The following EFCAB10 variants were observed in gnomAD, a reference collection of about 807,000 sequenced individuals.
The protein encoded by EFCAB10 is EF-hand calcium binding domain 10.
In EFCAB10, 7 loss-of-function variants were observed where a neutral mutation model predicts 7.7. The ratio of observed to expected loss-of-function variants is 0.91; its 90% CI spans 0.52 to 1.72. The LOEUF (loss-of-function observed/expected upper bound fraction) is 1.72, where lower values mean the gene tolerates loss of function less well. Ranked by LOEUF, EFCAB10 falls within the 40% of genes most tolerant of loss-of-function variation. The pLI is 0.00. For synonymous variants in EFCAB10, 52 were observed against 21.0 expected (o/e 2.47, Z -4.03); for missense variants, 112 against 61.5 (o/e 1.82, Z -2.74).
intron 1 of EFCAB10, among the ~76,000 whole-genome samples, chr7:105,576,986 G>A (rs1792096747): frequency 6.6e-6 from 1 of 152,038 alleles, no homozygotes; most frequent in Non-Finnish European, 1.5e-5. Flanking sequence ...CCCCAGAGGC[G>A]GAGGTTGCAG....
At chr7:105,570,255 A>G (rs1156903996) in intron 1 of EFCAB10, among the ~76,000 whole-genome samples, 2 of 107,436 alleles carry the variant, frequency 1.9e-5, no homozygotes, top group Admixed American at 2.2e-4. Context: ...ATATATATAT[A>G]TATATATATA....
chr7:105,572,701 G>A (rs1207842505), intron 1 of EFCAB10: 1 of 152,150 alleles, frequency 6.6e-6, no homozygotes, highest in Non-Finnish European at 1.5e-5. Flanking sequence ...TTCATCTTTT[G>A]TTAGCGTTTT....
intron 1 of EFCAB10, chr7:105,572,650 G>A (rs1329936387): frequency 6.6e-6 from 1 of 152,176 alleles, no homozygotes; most frequent in African/African-American, 2.4e-5. Context: ...TAGTGTACAA[G>A]GGTTCCCTTT....
rs1421342171 is a variant in EFCAB10 at position 105,581,238 on chromosome 7, ACAG to A, written c.106+117_106+119del. 5 of 630,008 alleles carry A rather than the reference ACAG, an allele frequency of 7.9e-6. No individual in the cohort carries two copies. In the East Asian group the frequency reaches 1.4e-4, roughly 17 times the overall value. The allele number at this position is 630,008 out of a possible 1,614,324, so 39.0% of individuals were successfully genotyped here. ...TTATTGAAGGCCGCAGAGTTAATCA[ACAG>A]CAGAAGGGCTCACGTGGCTGGGAGG... On this transcript the variant is annotated intron_variant, in intron 1 of 4. Transcript: ENST00000480514.
rs139459919 is a variant in EFCAB10 at position 105,565,375 on chromosome 7, T to C, written c.*72A>G. On this transcript the variant is annotated 3_prime_UTR_variant, in exon 5 of 5. Transcript: ENST00000480514. ...ACGTTACGAGACCATTTACTTCAGT[T>C]GGAGCAGCAGCTTTGTTTCTCCTTA... 139 of 1,614,102 alleles carry C rather than the reference T, an allele frequency of 8.6e-5. No individual in the cohort carries two copies. Among genetic ancestry groups the C allele is most frequent in the Non-Finnish European group, 1.6e-5 (19 of 1,180,048 alleles).
chr7:105,575,106 A>G (rs1792043211), intron 1 of EFCAB10, among the ~76,000 whole-genome samples: 1 of 143,684 alleles, frequency 7.0e-6, no homozygotes, highest in East Asian at 2.0e-4. Context: ...CAACAGCGAA[A>G]CTCTGTCTCA....
In EFCAB10 at chr7:105,567,484, C is replaced by G. The variant is rs1344746705; in HGVS notation, c.366G>C (p.Lys122Asn). The G allele has an allele frequency of 4.2e-5, 30 of 706,036 alleles. No individual in the cohort carries two copies. The highest frequency in any genetic ancestry group is 6.9e-5 in the Non-Finnish European group (27 of 392,398). The allele number at this position is 706,036 out of a possible 1,614,324, so 43.7% of individuals were successfully genotyped here. Residue 122 changes from lysine (K) to asparagine (N), a missense_variant, in exon 4 of 5, where the codon AAG becomes AAC. Physicochemically the swap from Lys to Asn is moderately conservative, Grantham distance 94. Transcript: ENST00000480514. ...ATGCTGACCATATTTCCTTCATCCTCTTGTTCCTAAGGAAACAAAAACAGA... is the reference window on the plus strand; with the variant it reads ...ATGCTGACCATATTTCCTTCATCCTGTTGTTCCTAAGGAAACAAAAACAGA... ...TLDKFKEEVN[K>N]RMKEI
chr7:105,565,774 C>T (rs1015022732), intron 4 of EFCAB10: 15 of 642,836 alleles, frequency 2.3e-5, no homozygotes, highest in African/African-American at 2.0e-4. Context: ...AAAACATTGT[C>T]TATCTACTGT....
intron 1 of EFCAB10, chr7:105,573,224 T>C (rs1769044646): frequency 6.6e-6 from 1 of 152,194 alleles, no homozygotes; most frequent in South Asian, 2.1e-4. Context: ...ATATTGTGCC[T>C]TACTTGTACA....
rs191621831 is a variant in EFCAB10 at position 105,572,664 on chromosome 7, C to G, written c.107-3093G>C. The G allele has an allele frequency of 2.6e-5, 4 of 152,304 alleles. No homozygotes were observed. In the East Asian group the frequency reaches 7.7e-4, roughly 29 times the overall value. 9.4% of individuals were successfully genotyped at this position (152,304 alleles called of 1,614,324 possible). On this transcript the variant is annotated intron_variant, in intron 1 of 4. Coordinates refer to ENST00000480514, the MANE Select transcript of EFCAB10 (RefSeq NM_001355526.2). ...GTAGTGTACAAGGGTTCCCTTTTCTCCACATCCTTGCCAACACTTGAAATC... is the reference window on the plus strand; with the variant it reads ...GTAGTGTACAAGGGTTCCCTTTTCTGCACATCCTTGCCAACACTTGAAATC...
At chr7:105,567,571 G>GAT in intron 3 of EFCAB10, 81 bp from the exon 4 acceptor site, 1 of 609,990 alleles carries the variant, frequency 1.6e-6, no homozygotes, top group South Asian at 1.8e-5. Flanking sequence ...GTCTGTTGAA[G>GAT]ACGAGCAGAG....
chr7:105,575,343 T>C (rs1792051587), intron 1 of EFCAB10, among the ~76,000 whole-genome samples: 2 of 152,102 alleles, frequency 1.3e-5, no homozygotes, highest in African/African-American at 4.8e-5. Flanking sequence ...AAGTCTCACT[T>C]TGTCACCCAG....
rs1368853510 is a variant in EFCAB10, at chr7:105,569,562, T to C, written c.116A>G (p.Lys39Arg). 1 of 690,858 alleles carries C rather than the reference T, an allele frequency of 1.4e-6. No homozygotes were observed. Among genetic ancestry groups the C allele is most frequent in the South Asian group, 1.6e-5 (1 of 64,430 alleles). The allele number at this position is 690,858 out of a possible 1,614,324, so 42.8% of individuals were successfully genotyped here. Residue 39 changes from lysine to arginine, a missense_variant, in exon 2 of 5, where the codon AAA becomes AGA. By Grantham distance (26) the Lys-to-Arg change is conservative (BLOSUM62 2). Transcript: ENST00000480514. ...ALLFFRPEKP[K>R]EYLISLLERL... ...TTCCAATAGAGATATTAAATATTCT[T>C]TTGGTTTTTCTGCAAAAGAATAGTT...
intron 1 of EFCAB10, among the ~76,000 whole-genome samples, chr7:105,570,783 G>T (rs1211543882): frequency 6.6e-6 from 1 of 152,076 alleles, no homozygotes; most frequent in East Asian, 1.9e-4. Context: ...CCAGCACTTT[G>T]GGACGCCGAG....
At chr7:105,580,776 C>T (rs572994037) in intron 1 of EFCAB10, among the ~76,000 whole-genome samples, 1 of 152,232 alleles carries the variant, frequency 6.6e-6, no homozygotes, top group African/African-American at 2.4e-5. Context: ...AAACCATTTT[C>T]ACCTAAATAT....
Position 105,565,434 on chromosome 7 carries a change from C to T in EFCAB10, c.*13G>A. 1 of 1,614,078 alleles carries T rather than the reference C, an allele frequency of 6.2e-7. No homozygotes were observed. The highest frequency in any genetic ancestry group is 2.2e-5 in the East Asian group (1 of 44,886). ...TTTCTGGCAAATGCTTGTAGAGAAG[C>T]TGGATGTATACATCTACCAAGAAGT... On this transcript the variant is annotated 3_prime_UTR_variant, in exon 5 of 5. Coordinates refer to ENST00000480514, the MANE Select transcript of EFCAB10 (RefSeq NM_001355526.2).
intron 1 of EFCAB10, among the ~76,000 whole-genome samples, chr7:105,570,420 A>C (rs150986237): frequency 6.6e-6 from 1 of 151,320 alleles, no homozygotes; most frequent in Non-Finnish European, 1.5e-5. Flanking sequence ...AAGCAATTTT[A>C]AAAATAAAAA....
intron 1 of EFCAB10, among the ~76,000 whole-genome samples, chr7:105,575,115 CAAAA>C (rs541720724): frequency 9.0e-6 from 1 of 111,030 alleles, no homozygotes; most frequent in Non-Finnish European, 1.9e-5. Flanking sequence ...AACTCTGTCT[CAAAA>C]AAAAAAAAAA....
intron 1 of EFCAB10, among the ~76,000 whole-genome samples, chr7:105,575,103 G>A (rs1322625581): frequency 2.8e-5 from 4 of 142,496 alleles, no homozygotes; most frequent in South Asian, 2.3e-4. Context: ...CAACAACAGC[G>A]AAACTCTGTC....
Sources: gnomAD v4.1 joint callset for allele counts (sites outside exome capture counted in the v4.1 genomes callset) on GRCh38, gnomAD v4.1.1 for gene constraint, MANE v1.5 for transcripts, NCBI Gene and HGNC (gene_info 2026-07-23, HGNC 2026-07-21) for gene names.